FBP1: variants seen among roughly 807,000 people sequenced by gnomAD.
The protein encoded by FBP1 is fructose-bisphosphatase 1, also known as fructose-1,6-bisphosphatase 1.
In FBP1, 22 loss-of-function variants were observed where a neutral mutation model predicts 29.9. The observed-to-expected ratio is 0.74, with a 90% CI of 0.53 to 1.05. FBP1 has a LOEUF of 1.05. Among genes scored for constraint, FBP1 ranks in the 50% least tolerant of loss-of-function variants. The probability of loss-of-function intolerance (pLI) is 0.00; values close to 1 mark genes in which losing one functional copy is unlikely to be tolerated. For missense variants in FBP1, 345 were observed against 448.2 expected (o/e 0.77, Z 2.08); for synonymous variants, 175 against 178.6 (o/e 0.98, Z 0.16).
intron 1 of FBP1, among the ~76,000 whole-genome samples, chr9:94,630,777 T>C (rs1828093578): frequency 6.6e-6 from 1 of 152,202 alleles, no homozygotes; most frequent in South Asian, 2.1e-4. Flanking sequence ...TGCCTTTGCT[T>C]CTTACTGATG....
At chr9:94,617,906 A>G in intron 2 of FBP1, 46 bp from the exon 3 acceptor site, 3 of 1,415,574 alleles carry the variant, frequency 2.1e-6, no homozygotes, top group Non-Finnish European at 3.0e-6. Flanking sequence ...TTATAGCAAG[A>G]TACACTAAAG....
chr9:94,604,339 T>A (rs1181077694), intron 6 of FBP1, among the ~76,000 whole-genome samples: 2 of 152,206 alleles, frequency 1.3e-5, no homozygotes, highest in Non-Finnish European at 2.9e-5. Flanking sequence ...CAGGTTGATA[T>A]GCCCGAGGCA....
At chr9:94,635,039 A>G (rs923800870) in intron 1 of FBP1, among the ~76,000 whole-genome samples, 3 of 139,536 alleles carry the variant, frequency 2.1e-5, no homozygotes, top group African/African-American at 8.0e-5. Context: ...CAGTAAGCTG[A>G]GATTGCACCA....
At chr9:94,624,361 G>A (rs540607173) in intron 1 of FBP1, among the ~76,000 whole-genome samples, 6 of 141,164 alleles carry the variant, frequency 4.3e-5, no homozygotes, top group African/African-American at 1.6e-4. Context: ...AAAAAGAACA[G>A]GAGGAAATGG....
chr9:94,621,398 A>AAAAAAAATATATATATAT (rs58726402), intron 1 of FBP1, among the ~76,000 whole-genome samples: 7 of 146,238 alleles, frequency 4.8e-5, no homozygotes, highest in African/African-American at 1.6e-4. Context: ...TCCGTCTAAA[A>AAAAAAAATATATATATAT]ATATATATAT....
At chr9:94,622,578 G>A (rs1325503994) in intron 1 of FBP1, among the ~76,000 whole-genome samples, 3 of 152,208 alleles carry the variant, frequency 2.0e-5, no homozygotes, top group Non-Finnish European at 2.9e-5. Flanking sequence ...AGCTAGCTCC[G>A]GCTGTCTTCT....
At position 94,619,563 on chromosome 9, in the gene FBP1, C is replaced by A. The variant is rs141977034; in HGVS notation, c.333+766G>T. On this transcript the variant is annotated intron_variant, in intron 2 of 6. Coordinates refer to ENST00000375326, the MANE Select transcript of FBP1 (RefSeq NM_000507.4). ...CTGGGACACAGAGACAAATAAGATTCATTTTCTGCTCTCAAAAAGCAGAGA... is the reference window on the plus strand; with the variant it reads ...CTGGGACACAGAGACAAATAAGATTAATTTTCTGCTCTCAAAAAGCAGAGA... Among the ~76,000 whole-genome samples, 359 of 152,212 alleles carry A rather than the reference C, an allele frequency of 2.4e-3. 1 individual carries two copies. Among genetic ancestry groups the A allele is most frequent in the East Asian group, 7.0e-3 (36 of 5,178 alleles).
At chr9:94,622,634 C>T (rs1482194718) in intron 1 of FBP1, among the ~76,000 whole-genome samples, 1 of 152,262 alleles carries the variant, frequency 6.6e-6, no homozygotes, top group East Asian at 1.9e-4. Flanking sequence ...GCATCATTCC[C>T]TTTCCAGCCT....
At chr9:94,612,023 G>C (rs1487119027) in intron 3 of FBP1, among the ~76,000 whole-genome samples, 1 of 152,188 alleles carries the variant, frequency 6.6e-6, no homozygotes, top group African/African-American at 2.4e-5. Context: ...TGGTTGCACT[G>C]GGTTATTTGA....
At chr9:94,624,712 T>G (rs1827999048) in intron 1 of FBP1, among the ~76,000 whole-genome samples, 1 of 152,144 alleles carries the variant, frequency 6.6e-6, no homozygotes, top group African/African-American at 2.4e-5. Flanking sequence ...GAAGCCCAAA[T>G]AAGTCAGCTA....
At chr9:94,629,381 G>A (rs1199042369) in intron 1 of FBP1, among the ~76,000 whole-genome samples, 2 of 152,176 alleles carry the variant, frequency 1.3e-5, no homozygotes, top group African/African-American at 4.8e-5. Flanking sequence ...CTGTTGATAT[G>A]GGGGCGCTTC....
chr9:94,632,855 G>A (rs1349897307), intron 1 of FBP1, among the ~76,000 whole-genome samples: 1 of 152,208 alleles, frequency 6.6e-6, no homozygotes, highest in Non-Finnish European at 1.5e-5. Flanking sequence ...GGCAGGGCCA[G>A]GAATCTAAGC....
At chr9:94,619,600 G>A (rs963538761) in intron 2 of FBP1, among the ~76,000 whole-genome samples, 1 of 152,080 alleles carries the variant, frequency 6.6e-6, no homozygotes, top group Non-Finnish European at 1.5e-5. Context: ...AACGCCAGGT[G>A]TGGTGGCTCA....
intron 4 of FBP1, among the ~76,000 whole-genome samples, chr9:94,608,129 T>C (rs1343313501): frequency 6.6e-6 from 1 of 152,196 alleles, no homozygotes; most frequent in African/African-American, 2.4e-5. Context: ...GGAAAGTCTG[T>C]GTACAGAGAC....
Position 94,605,590 on chromosome 9 carries a change from C to A in FBP1, c.706-14G>T. ...AGCTGAATTATCCTGCAAGTTAAGA[C>A]CAGCAAGAATTAGGATTGCAGAAAA... is the stretch of plus-strand genomic sequence containing the variant. On this transcript the variant is annotated splice_polypyrimidine_tract_variant and intron_variant, in intron 5 of 6. Transcript: ENST00000375326. 2 of 1,613,272 alleles carry A rather than the reference C, an allele frequency of 1.2e-6. No individual in the cohort carries two copies. Among genetic ancestry groups the A allele is most frequent in the Non-Finnish European group, 1.7e-6 (2 of 1,179,634 alleles).
intron 3 of FBP1, among the ~76,000 whole-genome samples, chr9:94,615,394 G>A (rs1452684127): frequency 1.3e-5 from 2 of 151,928 alleles, no homozygotes; most frequent in Non-Finnish European, 2.9e-5. Flanking sequence ...TTATTTGGGG[G>A]GACTGAGATG....
At chr9:94,607,097 C>T (rs1279839778) in intron 4 of FBP1, 145 bp from the exon 5 acceptor site, 6 of 924,718 alleles carry the variant, frequency 6.5e-6, no homozygotes, top group African/African-American at 3.2e-5. Context: ...GAGACACCTG[C>T]CAGGCTCTCT....
At chr9:94,622,379 G>A (rs931349027) in intron 1 of FBP1, among the ~76,000 whole-genome samples, 1 of 152,244 alleles carries the variant, frequency 6.6e-6, no homozygotes, top group Middle Eastern at 3.2e-3. Context: ...GCACACCCGC[G>A]CCCTTGGCCA....
chr9:94,632,908 A>T (rs1488754715), intron 1 of FBP1, among the ~76,000 whole-genome samples: 4 of 152,152 alleles, frequency 2.6e-5, no homozygotes, highest in Non-Finnish European at 5.9e-5. Flanking sequence ...ATCCCTGCAC[A>T]TTCCTGTCTG....
Sources: gnomAD v4.1 joint callset for allele counts (sites outside exome capture counted in the v4.1 genomes callset) on GRCh38, gnomAD v4.1.1 for gene constraint, MANE v1.5 for transcripts, NCBI Gene and HGNC (gene_info 2026-07-23, HGNC 2026-07-21) for gene names.